The following CPA6 variants were observed in gnomAD, a reference collection of about 807,000 sequenced individuals.
The protein encoded by CPA6 is carboxypeptidase A6, also known as carboxypeptidase B.
CPA6 carries 58 observed loss-of-function variants against 63.3 expected under a neutral mutation model. The ratio of observed to expected loss-of-function variants is 0.92; its 90% confidence interval spans 0.74 to 1.14. The LOEUF (loss-of-function observed/expected upper bound fraction) is 1.14. CPA6 is among the 50% of genes most tolerant of loss of function. CPA6 has a pLI of 0.00. For synonymous variants in CPA6, 185 were observed against 179.0 expected (o/e 1.03, Z -0.27); for missense variants, 565 against 526.6 (o/e 1.07, Z -0.71).
rs976762765 is a variant in CPA6 at position 67,674,480 on chromosome 8, T to A, written c.117-50229A>T. ...ATAGGAATAGAAACTGTATGACTGA[T>A]TCTTTTTGTGGATTTACTGAAAAAT... On this transcript the variant is annotated intron_variant, in intron 1 of 10. Coordinates refer to ENST00000297770, the MANE Select transcript of CPA6 (RefSeq NM_020361.5). Among the ~76,000 whole-genome samples the A allele has an allele frequency of 2.0e-5, 3 of 152,244 alleles. No individual in the cohort carries two copies. In the East Asian group the frequency reaches 5.8e-4, roughly 29 times the overall value.
At chr8:67,474,944 T>C (rs1052119423) in intron 8 of CPA6, among the ~76,000 whole-genome samples, 1 of 152,130 alleles carries the variant, frequency 6.6e-6, no homozygotes, top group Non-Finnish European at 1.5e-5. Flanking sequence ...CAGTGAGCCA[T>C]GATTACACCA....
intron 2 of CPA6, among the ~76,000 whole-genome samples, chr8:67,617,686 T>C (rs745963711): frequency 1.8e-4 from 28 of 152,224 alleles, no homozygotes; most frequent in Non-Finnish European, 4.0e-4. Flanking sequence ...ATTTTGTTGT[T>C]TCTGTAGGTC....
intron 1 of CPA6, among the ~76,000 whole-genome samples, chr8:67,698,585 A>C (rs1486064864): frequency 6.6e-6 from 1 of 152,210 alleles, no homozygotes; most frequent in African/African-American, 2.4e-5. Context: ...TGCTGTCAGC[A>C]TCAATCAATA....
intron 2 of CPA6, among the ~76,000 whole-genome samples, chr8:67,533,992 CA>C (rs1487330294): frequency 6.6e-6 from 1 of 152,184 alleles, no homozygotes; most frequent in Non-Finnish European, 1.5e-5. Context: ...AAAGACAAAA[CA>C]GTTCTTGAAT....
intron 1 of CPA6, among the ~76,000 whole-genome samples, chr8:67,745,469 T>A (rs1817990503): frequency 3.9e-5 from 6 of 152,212 alleles, no homozygotes; most frequent in Admixed American, 3.9e-4. Flanking sequence ...AGAAAAACTA[T>A]CCATAATTTT....
chr8:67,540,107 T>C (rs1278589270), intron 2 of CPA6, among the ~76,000 whole-genome samples: 1 of 152,194 alleles, frequency 6.6e-6, no homozygotes, highest in East Asian at 1.9e-4. Flanking sequence ...TTCAGCTTTT[T>C]TTGTGCTGGT....
At chr8:67,604,038 T>C (rs1310703745) in intron 2 of CPA6, among the ~76,000 whole-genome samples, 1 of 152,224 alleles carries the variant, frequency 6.6e-6, no homozygotes, top group Non-Finnish European at 1.5e-5. Context: ...AAAATGTCAA[T>C]TGTCAATTTC....
At chr8:67,592,996 T>C (rs1814177954) in intron 2 of CPA6, among the ~76,000 whole-genome samples, 1 of 150,870 alleles carries the variant, frequency 6.6e-6, no homozygotes, top group Non-Finnish European at 1.5e-5. Context: ...ATTTTGGATC[T>C]TTCCTGCTTT....
chr8:67,721,313 C>A (rs1419542369), intron 1 of CPA6, among the ~76,000 whole-genome samples: 1 of 152,176 alleles, frequency 6.6e-6, no homozygotes, highest in Non-Finnish European at 1.5e-5. Context: ...CTAAAAGGTT[C>A]CCTTTCAACT....
chr8:67,596,243 C>T (rs569301357), intron 2 of CPA6, among the ~76,000 whole-genome samples: 12 of 152,280 alleles, frequency 7.9e-5, no homozygotes, highest in African/African-American at 2.9e-4. Flanking sequence ...TTTGTCTAAA[C>T]ATATCTTTAT....
Position 67,624,199 on chromosome 8 carries a change from T to G in CPA6, c.169A>C (p.Lys57Gln), listed in dbSNP as rs1279714202. Reference sequence around the variant, plus strand: ...ACCTTAAGTTGATAGGATATTTTCTTCAGTGCATATGCTTCCTCTTCTGTT... The same window carrying G: ...ACCTTAAGTTGATAGGATATTTTCTGCAGTGCATATGCTTCCTCTTCTGTT... Reference protein sequence around the residue: ...PKTEEEAYALKKISYQLKVDL... With the variant: ...PKTEEEAYALQKISYQLKVDL... Residue 57 changes from lysine (K) to glutamine (Q), a missense_variant, in exon 2 of 11, where the codon AAG becomes CAG. Coordinates refer to ENST00000297770, the MANE Select transcript of CPA6 (RefSeq NM_020361.5). The G allele has an allele frequency of 6.5e-7, 1 of 1,549,382 alleles. No individual in the cohort carries two copies. The highest frequency in any genetic ancestry group is 1.7e-5 in the Admixed American group (1 of 59,230).
rs563367383 is a variant in CPA6 at position 67,458,221 on chromosome 8, G to T, written c.839-23981C>A. ...CACTTTATTTATTTTTTTTGAGATG[G>T]AGGCTCACTCTGTTGCCCAGGTTGG... On this transcript the variant is annotated intron_variant, in intron 8 of 10. Coordinates refer to ENST00000297770, the MANE Select transcript of CPA6 (RefSeq NM_020361.5). Among the ~76,000 whole-genome samples, 38 of 152,162 alleles carry T rather than the reference G, an allele frequency of 2.5e-4. No individual in the cohort carries two copies. In the South Asian group the frequency reaches 6.4e-3, roughly 26 times the overall value.
rs1209843241 is a variant in CPA6, at chr8:67,566,813, C to CTG, written c.193-48767_193-48766insCA. On this transcript the variant is annotated intron_variant, in intron 2 of 10. Coordinates refer to ENST00000297770, the MANE Select transcript of CPA6 (RefSeq NM_020361.5). ...GTGTAGATTGGTTCCAGTGCATGAA[C>CTG]TCTAACCTCTTCAGGATGCTTAATA... 1.4e-3 allele frequency among the ~76,000 whole-genome samples: 210 copies of CTG among 152,288 alleles called. 2 individuals are homozygous for CTG. The highest frequency in any genetic ancestry group is 1.8e-4 in the Non-Finnish European group (12 of 68,022).
At chr8:67,567,863 A>T (rs991589830) in intron 2 of CPA6, among the ~76,000 whole-genome samples, 1 of 152,120 alleles carries the variant, frequency 6.6e-6, no homozygotes. Context: ...CAGGAAGCCC[A>T]CTCTGTCCTT....
At chr8:67,498,651 C>T (rs935036457) in intron 6 of CPA6, among the ~76,000 whole-genome samples, 13 of 151,540 alleles carry the variant, frequency 8.6e-5, no homozygotes, top group African/African-American at 2.9e-4. Flanking sequence ...ACAGTAAGTC[C>T]AGCATGTCTG....
intron 1 of CPA6, among the ~76,000 whole-genome samples, chr8:67,648,259 T>TTTC (rs1815758368): frequency 4.7e-5 from 1 of 21,404 alleles, no homozygotes; most frequent in Non-Finnish European, 8.3e-5. Flanking sequence ...CTAGATTAGG[T>TTTC]TTTTTTTTTT....
chr8:67,737,964 T>G (rs1445954740), intron 1 of CPA6, among the ~76,000 whole-genome samples: 1 of 152,146 alleles, frequency 6.6e-6, no homozygotes, highest in African/African-American at 2.4e-5. Flanking sequence ...TGGGCTATGA[T>G]ATATTTTTTG....
At chr8:67,734,216 G>C (rs1224368899) in intron 1 of CPA6, among the ~76,000 whole-genome samples, 1 of 151,874 alleles carries the variant, frequency 6.6e-6, no homozygotes, top group Non-Finnish European at 1.5e-5. Context: ...TTATATAAAA[G>C]GTGTGGTGTC....
rs1214057770 is a variant in CPA6, at chr8:67,643,906, A to C, written c.117-19655T>G. The stretch of plus-strand genomic sequence containing the variant: ...TGAGGTAGCGATGTCTATAGATCAC[A>C]TAGAAAAAAATAGACACTGGCTTGT... On this transcript the variant is annotated intron_variant, in intron 1 of 10. Coordinates refer to ENST00000297770, the MANE Select transcript of CPA6 (RefSeq NM_020361.5). Among the ~76,000 whole-genome samples the C allele has an allele frequency of 2.6e-5, 4 of 152,210 alleles. No individual in the cohort carries two copies. In the East Asian group the frequency reaches 7.7e-4, roughly 29 times the overall value.
Sources: gnomAD v4.1 joint callset for allele counts (sites outside exome capture counted in the v4.1 genomes callset) on GRCh38, gnomAD v4.1.1 for gene constraint, MANE v1.5 for transcripts, NCBI Gene and HGNC (gene_info 2026-07-23, HGNC 2026-07-21) for gene names.